The following C6 variants were observed in gnomAD, a reference collection of about 807,000 sequenced individuals.
C6 encodes the protein complement C6.
A neutral mutation model predicts 112.9 loss-of-function variants in C6; 101 were observed. The ratio of observed to expected loss-of-function variants is 0.89; its 90% CI spans 0.76 to 1.06. The LOEUF (loss-of-function observed/expected upper bound fraction) is 1.06. Among genes scored for constraint, C6 ranks in the 50% least tolerant of loss-of-function variants. C6 has a pLI of 0.00. For missense variants in C6, 1,202 were observed against 1,104.6 expected, an observed-to-expected ratio of 1.09 and a Z score of -1.25; for synonymous variants, 431 against 384.1, an observed-to-expected ratio of 1.12 and a Z score of -1.43.
At chr5:41,156,085 G>A (rs550798913) in intron 13 of C6, among the ~76,000 whole-genome samples, 2 of 152,090 alleles carry the variant, frequency 1.3e-5, no homozygotes, top group South Asian at 2.1e-4. Context: ...TTCTTAGTTT[G>A]GAATATTTAT....
rs1297077142 is a variant in C6 at position 41,201,603 on chromosome 5, TC to T, written c.254del (p.Gly85GlufsTer38). 2 of 1,613,580 alleles carry T rather than the reference TC, an allele frequency of 1.2e-6. No homozygotes were observed. The highest frequency in any genetic ancestry group is 1.7e-5 in the Admixed American group (1 of 59,920). On this transcript the variant is annotated frameshift_variant, in exon 3 of 18. Coordinates refer to ENST00000337836, the MANE Select transcript of C6 (RefSeq NM_000065.5). LOFTEE classifies it high-confidence loss of function. ...CACAGTCTGACCATGGTCCAAAATC[TC>T]CCAGGAGGCAGTTGATGGGGCATCT... ...WQRCPINCLL[G>X]DFGPWSDCDP... is the part of the protein sequence containing the mutation.
Position 41,149,804 on chromosome 5 carries a change from A to G in C6, c.2381+131T>C. On this transcript the variant is annotated intron_variant, in intron 16 of 17. Transcript: ENST00000337836. ...GGGAAGGAGGAATTCAGCAGAGCAC[A>G]GGAATATCAGTTATGTGGAAAATTC... 5 of 735,300 alleles carry G rather than the reference A, an allele frequency of 6.8e-6. No individual in the cohort carries two copies. The South Asian group carries it at 7.4e-5, about 11-fold the overall frequency. The allele number at this position is 735,300 out of a possible 1,614,324, so 45.5% of individuals were successfully genotyped here.
At chr5:41,223,997 G>A (rs2150406660) in intron 1 of C6, among the ~76,000 whole-genome samples, 1 of 152,126 alleles carries the variant, frequency 6.6e-6, no homozygotes, top group Middle Eastern at 3.4e-3. Flanking sequence ...GGGTTTGACA[G>A]TATCACATCT....
chr5:41,220,520 C>G (rs570195839), intron 1 of C6, among the ~76,000 whole-genome samples: 1 of 152,034 alleles, frequency 6.6e-6, no homozygotes, highest in African/African-American at 2.4e-5. Context: ...AGAAAGAAGG[C>G]GTTTATATAA....
At chr5:41,245,690 GTAT>G (rs1740981440) in intron 1 of C6, among the ~76,000 whole-genome samples, 1 of 151,898 alleles carries the variant, frequency 6.6e-6, no homozygotes, top group Admixed American at 6.6e-5. Flanking sequence ...TGAGATAATC[GTAT>G]TATTGTCTCT....
chr5:41,167,170 T>G (rs1193780079), intron 9 of C6, among the ~76,000 whole-genome samples: 1 of 152,098 alleles, frequency 6.6e-6, no homozygotes, highest in East Asian at 1.9e-4. Flanking sequence ...GAGCAAAATT[T>G]TGTCTTTCGA....
intron 5 of C6, 106 bp downstream of exon 5, chr5:41,195,686 G>C: frequency 8.3e-7 from 1 of 1,200,368 alleles, no homozygotes; most frequent in Non-Finnish European, 1.2e-6. Flanking sequence ...GGTAGGAGTA[G>C]TAAGAAGTTA....
At chr5:41,213,858 T>C (rs912061358), upstream of C6, among the ~76,000 whole-genome samples, 3 of 152,206 alleles carry the variant, frequency 2.0e-5, no homozygotes, top group East Asian at 1.9e-4. Context: ...ATTGTGTATG[T>C]AGAAAATTCA....
chr5:41,156,893 C>T (rs2150253347), intron 13 of C6, among the ~76,000 whole-genome samples: 1 of 152,206 alleles, frequency 6.6e-6, no homozygotes, highest in South Asian at 2.1e-4. Context: ...TTGCAATAAT[C>T]AAACTTAGGG....
At chr5:41,216,863 C>G (rs537670462), upstream of C6, among the ~76,000 whole-genome samples, 3 of 152,206 alleles carry the variant, frequency 2.0e-5, no homozygotes, top group South Asian at 4.1e-4. Flanking sequence ...CAACCCTATT[C>G]AAAATCTCAG....
chr5:41,160,246 G>A lies in C6; in HGVS notation c.1580C>T (p.Pro527Leu), dbSNP rs1354015475. 3.7e-6 allele frequency: 6 copies of A among 1,613,878 alleles called. No homozygotes were observed. Among genetic ancestry groups the A allele is most frequent in the Non-Finnish European group, 4.2e-6 (5 of 1,179,834 alleles). Residue 527 changes from proline (P) to leucine (L), a missense_variant, in exon 11 of 18, where the codon CCT (proline) becomes CTT (leucine). Transcript: ENST00000337836. ...TGAGAGGGTGGGTCGGCCATTATTA[G>A]GGCATGGAGCACACTGGCAAGGATC... is the stretch of plus-strand genomic sequence containing the variant. ...KFDPCQCAPC[P>L]NNGRPTLSGT... is the part of the protein sequence containing the mutation.
chr5:41,155,192 C>T (rs1460129957), intron 13 of C6, 88 bp from the exon 14 acceptor site: 2 of 1,276,022 alleles, frequency 1.6e-6, no homozygotes, highest in Admixed American at 1.8e-5. Context: ...TTCTATCCTT[C>T]ACTTCTGGAT....
chr5:41,249,341 A>G (rs565898300), intron 1 of C6, among the ~76,000 whole-genome samples: 2 of 152,368 alleles, frequency 1.3e-5, no homozygotes, highest in Admixed American at 6.5e-5. Flanking sequence ...AAACATAACA[A>G]TAATACCTGA....
chr5:41,211,507 T>C (rs1751925130), intron 1 of C6, among the ~76,000 whole-genome samples: 1 of 151,994 alleles, frequency 6.6e-6, no homozygotes, highest in Non-Finnish European at 1.5e-5. Context: ...ATTGGGACAA[T>C]AGTAGCCAGA....
chr5:41,260,419 A>T (rs558851931), intron 1 of C6, among the ~76,000 whole-genome samples: 6 of 151,786 alleles, frequency 4.0e-5, no homozygotes, highest in African/African-American at 1.2e-4. Context: ...CAGTAAATCC[A>T]GAATTGTTCA....
At chr5:41,161,912 T>G in intron 9 of C6, 53 bp from the exon 10 acceptor site, 1 of 1,575,950 alleles carries the variant, frequency 6.3e-7, no homozygotes, top group East Asian at 2.2e-5. Context: ...AAATTCCTAT[T>G]CTAAAACAAA....
chr5:41,174,537 T>G (rs183550135), intron 8 of C6, among the ~76,000 whole-genome samples: 97 of 152,360 alleles, frequency 6.4e-4, no homozygotes, highest in African/African-American at 2.1e-3. Context: ...TATTGTTTGA[T>G]GTTTTCACTG....
At chr5:41,173,740 AG>A (rs138742426) in intron 8 of C6, among the ~76,000 whole-genome samples, 6,941 of 152,232 alleles carry the variant, frequency 0.046, 165 homozygotes, top group Middle Eastern at 0.071. Flanking sequence ...CTGAGAAATG[AG>A]GCTGGGTAGA....
intron 10 of C6, 56 bp from the exon 11 acceptor site, chr5:41,160,423 C>T: frequency 1.5e-6 from 2 of 1,297,408 alleles, no homozygotes; most frequent in South Asian, 2.4e-5. Flanking sequence ...TAATAGGTTG[C>T]CATTACTGCC....
Sources: gnomAD v4.1 joint callset for allele counts (sites outside exome capture counted in the v4.1 genomes callset) on GRCh38, gnomAD v4.1.1 for gene constraint, MANE v1.5 for transcripts, NCBI Gene and HGNC (gene_info 2026-07-23, HGNC 2026-07-21) for gene names.